The following SYT16 variants were observed in gnomAD, a reference collection of about 807,000 sequenced individuals.
SYT16 encodes the protein synaptotagmin-16.
A neutral mutation model predicts 61.4 loss-of-function variants in SYT16; 42 were observed. The observed-to-expected ratio is 0.68, with a 90% CI of 0.53 to 0.89. The LOEUF is 0.89. Ranked by LOEUF, SYT16 falls within the 40% of genes least tolerant of loss-of-function variation. The probability of loss-of-function intolerance (pLI) is 0.00; values close to 1 mark genes in which losing one functional copy is unlikely to be tolerated. For synonymous variants in SYT16, 314 were observed against 302.3 expected, an observed-to-expected ratio of 1.04 and a Z score of -0.40; for missense variants, 804 against 807.3, an observed-to-expected ratio of 1.00 and a Z score of 0.05.
At chr14:61,965,088 A>G (rs1355484831) in intron 1 of SYT16, among the ~76,000 whole-genome samples, 1 of 152,170 alleles carries the variant, frequency 6.6e-6, no homozygotes, top group Non-Finnish European at 1.5e-5. Flanking sequence ...CTGGAGCTAA[A>G]CCTGCACTAT....
intron 3 of SYT16, among the ~76,000 whole-genome samples, chr14:62,039,876 C>T (rs1196971658): frequency 4.1e-5 from 3 of 72,986 alleles, no homozygotes; most frequent in Admixed American, 1.4e-4. Context: ...CACACACACA[C>T]ACGCACATAC....
intron 1 of SYT16, among the ~76,000 whole-genome samples, chr14:61,943,768 C>A (rs1409519213): frequency 6.6e-6 from 1 of 152,134 alleles, no homozygotes; most frequent in Admixed American, 6.5e-5. Context: ...AAGCCCACAG[C>A]CAATGTCATA....
intron 7 of SYT16, among the ~76,000 whole-genome samples, chr14:62,091,833 A>C (rs1306097777): frequency 6.6e-6 from 1 of 152,224 alleles, no homozygotes; most frequent in African/African-American, 2.4e-5. Flanking sequence ...TGCATAGGCA[A>C]CAAAATTAAA....
chr14:62,028,968 T>C (rs10143295), intron 3 of SYT16, among the ~76,000 whole-genome samples: 16,241 of 152,228 alleles, frequency 0.11, 1,266 homozygotes, highest in African/African-American at 0.22. Flanking sequence ...GTTTTAACAT[T>C]AAGTTCTGGG....
Position 61,911,153 on chromosome 14 carries a change from C to CT in SYT16, c.-324-58978dup, listed in dbSNP as rs561233383. ...TTTCCTCTGACAGATCTTTTTTATC[C>CT]TATGGACAAGTATTTCCTAGGATTC... On this transcript the variant is annotated intron_variant, in intron 1 of 7. Coordinates refer to ENST00000683842, the MANE Select transcript of SYT16 (RefSeq NM_001367656.1). 2.0e-4 allele frequency among the ~76,000 whole-genome samples: 30 copies of CT among 152,128 alleles called. No individual in the cohort carries two copies. The South Asian group carries it at 6.2e-3, about 32-fold the overall frequency.
intron 1 of SYT16, among the ~76,000 whole-genome samples, chr14:61,821,809 C>A (rs2045627799): frequency 6.6e-6 from 1 of 152,174 alleles, no homozygotes; most frequent in South Asian, 2.1e-4. Flanking sequence ...TAATCATAAA[C>A]CATCTTAGAG....
intron 1 of SYT16, among the ~76,000 whole-genome samples, chr14:61,854,695 C>T (rs2140276770): frequency 6.6e-6 from 1 of 152,356 alleles, no homozygotes; most frequent in South Asian, 2.1e-4. Flanking sequence ...AGGAACCCAA[C>T]ATTGATTGCC....
chr14:62,015,383 C>G (rs1018514069), intron 3 of SYT16, among the ~76,000 whole-genome samples: 1 of 152,034 alleles, frequency 6.6e-6, no homozygotes, highest in Non-Finnish European at 1.5e-5. Context: ...GTGTAAATAT[C>G]CTATAAATAC....
At chr14:61,893,751 T>C (rs1225950420) in intron 1 of SYT16, among the ~76,000 whole-genome samples, 1 of 152,138 alleles carries the variant, frequency 6.6e-6, no homozygotes, top group Non-Finnish European at 1.5e-5. Flanking sequence ...TGGTCACCAT[T>C]CCAACCTCCC....
intron 1 of SYT16, among the ~76,000 whole-genome samples, chr14:61,846,217 G>C (rs1293219033): frequency 1.3e-5 from 2 of 152,086 alleles, no homozygotes; most frequent in African/African-American, 4.8e-5. Context: ...TTTTCTGTCT[G>C]GAAGATCTGT....
chr14:62,084,882 G>C (rs900360820), intron 7 of SYT16, among the ~76,000 whole-genome samples: 3 of 152,126 alleles, frequency 2.0e-5, no homozygotes, highest in African/African-American at 7.2e-5. Context: ...GAGTTGTTTT[G>C]GAGTTTAAAT....
At chr14:62,014,332 C>T (rs1035068877) in intron 3 of SYT16, among the ~76,000 whole-genome samples, 1 of 152,112 alleles carries the variant, frequency 6.6e-6, no homozygotes, top group Non-Finnish European at 1.5e-5. Context: ...TTCACAGCTC[C>T]CCCACCTTGC....
intron 1 of SYT16, among the ~76,000 whole-genome samples, chr14:61,968,920 G>T: frequency 6.6e-6 from 1 of 152,160 alleles, no homozygotes; most frequent in Non-Finnish European, 1.5e-5. Context: ...CTATTTTGCA[G>T]ACTATAAAGC....
At chr14:61,859,371 T>G (rs1210225007) in intron 1 of SYT16, among the ~76,000 whole-genome samples, 1 of 151,940 alleles carries the variant, frequency 6.6e-6, no homozygotes, top group Non-Finnish European at 1.5e-5. Flanking sequence ...AAGATTAGGG[T>G]GGGGTGACCG....
At chr14:61,987,554 G>C (rs1198754599) in intron 2 of SYT16, among the ~76,000 whole-genome samples, 1 of 152,152 alleles carries the variant, frequency 6.6e-6, no homozygotes, top group Non-Finnish European at 1.5e-5. Flanking sequence ...ATAGAGTTTA[G>C]AGTTATTTAG....
chr14:61,919,782 A>G (rs1193576684), intron 1 of SYT16, among the ~76,000 whole-genome samples: 2 of 626 alleles, frequency 3.2e-3, no homozygotes, highest in East Asian at 0.1. Flanking sequence ...TCCAGGGATT[A>G]GGACATAGAC....
chr14:61,955,472 A>C (rs1312473537), intron 1 of SYT16, among the ~76,000 whole-genome samples: 1 of 152,046 alleles, frequency 6.6e-6, no homozygotes. Context: ...GCTGGCAACT[A>C]ACATTCTCTC....
chr14:61,926,601 G>C (rs980111659), intron 1 of SYT16, among the ~76,000 whole-genome samples: 2 of 152,206 alleles, frequency 1.3e-5, no homozygotes, highest in Non-Finnish European at 2.9e-5. Flanking sequence ...ATGTGAAAGA[G>C]ATACTGCTTT....
intron 1 of SYT16, among the ~76,000 whole-genome samples, chr14:61,944,816 A>T (rs1194142663): frequency 6.6e-6 from 1 of 152,242 alleles, no homozygotes; most frequent in African/African-American, 2.4e-5. Context: ...ACTATTCAGG[A>T]CATAGACATG....
Sources: gnomAD v4.1 joint callset for allele counts (sites outside exome capture counted in the v4.1 genomes callset) on GRCh38, gnomAD v4.1.1 for gene constraint, MANE v1.5 for transcripts, NCBI Gene and HGNC (gene_info 2026-07-23, HGNC 2026-07-21) for gene names.